Variants in KCNMB2 observed in about 807,000 individuals in gnomAD.
KCNMB2 encodes the protein potassium calcium-activated channel subfamily M regulatory beta subunit 2.
In KCNMB2, 9 loss-of-function variants were observed where a neutral mutation model predicts 24.5. That is an observed-to-expected ratio of 0.37 (90% CI 0.22 to 0.64). The LOEUF (loss-of-function observed/expected upper bound fraction) is 0.64. KCNMB2 is among the 30% of genes least tolerant of loss of function. The probability of loss-of-function intolerance (pLI) is 0.63; values close to 1 mark genes in which losing one functional copy is unlikely to be tolerated. For missense variants in KCNMB2, 226 were observed against 284.3 expected, an observed-to-expected ratio of 0.79 and a Z score of 1.47; for synonymous variants, 109 against 104.4, an observed-to-expected ratio of 1.04 and a Z score of -0.27.
At chr3:178,566,544 GA>G (rs1306906151) in intron 1 of KCNMB2, among the ~76,000 whole-genome samples, 16 of 152,214 alleles carry the variant, frequency 1.1e-4, no homozygotes, top group Admixed American at 8.5e-4. Context: ...CAAGTCAAAA[GA>G]AATGTTAGTC....
rs116801673 is a variant in KCNMB2, at chr3:178,626,832, G to C, written c.-68+90121G>C. On this transcript the variant is annotated intron_variant, in intron 1 of 4. Coordinates refer to ENST00000452583, the MANE Select transcript of KCNMB2 (RefSeq NM_181361.3). ...GTTAACTTAACTATACTATACTATA[G>C]TATAGTAAGTATATATATAACTTAT... 7.2e-3 allele frequency among the ~76,000 whole-genome samples: 1,083 copies of C among 149,670 alleles called. 13 individuals are homozygous for C. The highest frequency in any genetic ancestry group is 0.026 in the African/African-American group (1,048 of 40,912).
At chr3:178,729,938 CA>C (rs1001399103) in intron 1 of KCNMB2, among the ~76,000 whole-genome samples, 1 of 152,144 alleles carries the variant, frequency 6.6e-6, no homozygotes, top group Non-Finnish European at 1.5e-5. Flanking sequence ...TGCTGGTTGA[CA>C]AAAGGCTCTC....
intron 1 of KCNMB2, among the ~76,000 whole-genome samples, chr3:178,794,285 G>T (rs1553778617): frequency 2.0e-5 from 3 of 152,116 alleles, no homozygotes; most frequent in Non-Finnish European, 4.4e-5. Flanking sequence ...GCATGAGGAA[G>T]TAAGTTTTTG....
intron 1 of KCNMB2, among the ~76,000 whole-genome samples, chr3:178,567,147 T>A (rs1716556457): frequency 6.6e-6 from 1 of 152,196 alleles, no homozygotes; most frequent in African/African-American, 2.4e-5. Context: ...CTTGCCAATA[T>A]CTGACCAGAA....
chr3:178,677,819 TTGGTCAAGTA>T (rs746600799), intron 1 of KCNMB2, among the ~76,000 whole-genome samples: 12 of 152,096 alleles, frequency 7.9e-5, no homozygotes, highest in Non-Finnish European at 1.5e-4. Flanking sequence ...ACTGAACAGG[TTGGTCAAGTA>T]TGCATATTCA....
intron 1 of KCNMB2, among the ~76,000 whole-genome samples, chr3:178,752,645 A>T (rs995088693): frequency 2.0e-5 from 3 of 152,196 alleles, no homozygotes; most frequent in Non-Finnish European, 4.4e-5. Flanking sequence ...ATACCCTGAG[A>T]GGCCAGTTAG....
chr3:178,617,762 G>C (rs1396707703), intron 1 of KCNMB2, among the ~76,000 whole-genome samples: 1 of 151,344 alleles, frequency 6.6e-6, no homozygotes, highest in East Asian at 1.9e-4. Context: ...GTGGTGGTGG[G>C]TACCTGTAGT....
At chr3:178,772,354 G>C (rs898691118) in intron 1 of KCNMB2, among the ~76,000 whole-genome samples, 7 of 152,236 alleles carry the variant, frequency 4.6e-5, no homozygotes, top group African/African-American at 1.7e-4. Flanking sequence ...TTGTAATTCC[G>C]ATGTGTCATG....
chr3:178,699,597 C>A (rs1041876147), intron 1 of KCNMB2, among the ~76,000 whole-genome samples: 1 of 152,196 alleles, frequency 6.6e-6, no homozygotes, highest in Non-Finnish European at 1.5e-5. Context: ...CTGGCATGAC[C>A]AGGCTGGGGC....
chr3:178,836,084 T>C (rs1212525003), intron 4 of KCNMB2, among the ~76,000 whole-genome samples: 1 of 152,052 alleles, frequency 6.6e-6, no homozygotes, highest in Non-Finnish European at 1.5e-5. Context: ...ATAGCTCCCT[T>C]CCTACCATCA....
chr3:178,695,338 A>G (rs1001704033), intron 1 of KCNMB2, among the ~76,000 whole-genome samples: 3 of 152,222 alleles, frequency 2.0e-5, no homozygotes, highest in Non-Finnish European at 4.4e-5. Context: ...GGTCTCTGAC[A>G]TATCCTGGAG....
rs1722969281 is a variant in KCNMB2, at chr3:178,726,415, T to A, written c.-67-80928T>A. On this transcript the variant is annotated intron_variant, in intron 1 of 4. Transcript: ENST00000452583. ...GTTCTGAGTTTCCTTCTGGTATCAT[T>A]TATCTTCTGTCAGAAGATTTTCTTT... 2.0e-5 allele frequency among the ~76,000 whole-genome samples: 3 copies of A among 152,042 alleles called. No homozygotes were observed. In the South Asian group the frequency reaches 6.2e-4, roughly 31 times the overall value.
In KCNMB2 at chr3:178,773,145, G is replaced by A. The variant is rs564391481; in HGVS notation, c.-67-34198G>A. On this transcript the variant is annotated intron_variant, in intron 1 of 4. Coordinates refer to ENST00000452583, the MANE Select transcript of KCNMB2 (RefSeq NM_181361.3). ...GGCTGTTCCCGGATCACACAGTCAC[G>A]GCAACTCTTTACTGAGTTAGGAGTA... Among the ~76,000 whole-genome samples, 14 of 152,228 alleles carry A rather than the reference G, an allele frequency of 9.2e-5. 1 individual carries two copies. The East Asian group carries it at 1.9e-3, about 21-fold the overall frequency.
chr3:178,762,708 AGATATATTG>A (rs1324239235), intron 1 of KCNMB2, among the ~76,000 whole-genome samples: 1 of 152,180 alleles, frequency 6.6e-6, no homozygotes, highest in Non-Finnish European at 1.5e-5. Flanking sequence ...CTAGTTAGAG[AGATATATTG>A]GAAGTAGAAG....
intron 1 of KCNMB2, among the ~76,000 whole-genome samples, chr3:178,757,789 T>TCCATCCAAGAGG (rs1724190307): frequency 1.0e-5 from 1 of 98,622 alleles, no homozygotes; most frequent in Non-Finnish European, 2.1e-5. Context: ...TATATATACA[T>TCCATCCAAGAGG]ATATCTTATA....
intron 1 of KCNMB2, among the ~76,000 whole-genome samples, chr3:178,692,776 T>G (rs540935924): frequency 3.3e-5 from 5 of 152,216 alleles, no homozygotes; most frequent in Non-Finnish European, 7.3e-5. Context: ...ATTTTTCTAG[T>G]TATATGAAGA....
At chr3:178,601,262 T>C (rs1718073820) in intron 1 of KCNMB2, among the ~76,000 whole-genome samples, 1 of 151,924 alleles carries the variant, frequency 6.6e-6, no homozygotes, top group African/African-American at 2.4e-5. Flanking sequence ...GGTTGATGGG[T>C]GCAGCAAACC....
At chr3:178,633,011 T>C (rs916102716) in intron 1 of KCNMB2, among the ~76,000 whole-genome samples, 3 of 152,212 alleles carry the variant, frequency 2.0e-5, no homozygotes, top group African/African-American at 7.2e-5. Context: ...AGTTACAAAA[T>C]GATCCCCTTT....
At chr3:178,811,925 T>C (rs189820953) in intron 2 of KCNMB2, among the ~76,000 whole-genome samples, 4 of 152,322 alleles carry the variant, frequency 2.6e-5, no homozygotes, top group African/African-American at 7.2e-5. Context: ...ATTGAGTATA[T>C]TTCCTTAGTC....
Sources: gnomAD v4.1 joint callset for allele counts (sites outside exome capture counted in the v4.1 genomes callset) on GRCh38, gnomAD v4.1.1 for gene constraint, MANE v1.5 for transcripts, NCBI Gene and HGNC (gene_info 2026-07-23, HGNC 2026-07-21) for gene names.